Variants in KCNK2 observed in about 807,000 individuals in gnomAD.
KCNK2 encodes potassium channel subfamily K member 2.
KCNK2 carries 21 observed loss-of-function variants against 40.5 expected under a neutral mutation model. The ratio of observed to expected loss-of-function variants is 0.52; its 90% confidence interval spans 0.37 to 0.75. The LOEUF (loss-of-function observed/expected upper bound fraction) is 0.75, where lower values mean the gene tolerates loss of function less well. Ranked by LOEUF, KCNK2 falls within the 30% of genes least tolerant of loss-of-function variation. The probability of loss-of-function intolerance (pLI) is 0.00; values close to 1 mark genes in which losing one functional copy is unlikely to be tolerated. For missense variants in KCNK2, 399 were observed against 531.6 expected, an observed-to-expected ratio of 0.75 and a Z score of 2.45; for synonymous variants, 191 against 202.2, an observed-to-expected ratio of 0.94 and a Z score of 0.47.
chr1:215,173,954 T>C (rs1293529812), intron 5 of KCNK2, among the ~76,000 whole-genome samples: 1 of 152,230 alleles, frequency 6.6e-6, no homozygotes, highest in Non-Finnish European at 1.5e-5. Context: ...TCTTTTGCTG[T>C]GCAGAAGCTC....
chr1:215,087,204 G>A (rs746164642), intron 2 of KCNK2, among the ~76,000 whole-genome samples: 287 of 152,304 alleles, frequency 1.9e-3, no homozygotes, highest in Non-Finnish European at 2.4e-3. Context: ...GTACCGCTCA[G>A]GTCAATAAGT....
intron 2 of KCNK2, among the ~76,000 whole-genome samples, chr1:215,112,235 T>C (rs1432748430): frequency 6.6e-6 from 1 of 151,974 alleles, no homozygotes; most frequent in East Asian, 1.9e-4. Flanking sequence ...AGAAACCCAG[T>C]GAGACATGAT....
rs2102490761 is a variant in KCNK2, at chr1:215,038,351, G to A, written c.34+32396G>A. On this transcript the variant is annotated intron_variant, in intron 1 of 6. Transcript: ENST00000391895. ...TGACTCTTTTGTTCATGTCATCTAG[G>A]AAGGTCTTACTTGCTGTTTCCAGCA... 2.0e-5 allele frequency among the ~76,000 whole-genome samples: 3 copies of A among 152,166 alleles called. No individual in the cohort carries two copies. The East Asian group carries it at 5.8e-4, about 29-fold the overall frequency.
intron 4 of KCNK2, among the ~76,000 whole-genome samples, chr1:215,169,800 C>T (rs1663618180): frequency 6.6e-6 from 1 of 152,018 alleles, no homozygotes; most frequent in South Asian, 2.1e-4. Flanking sequence ...CACCCGCCAC[C>T]ATGCCTGGCT....
chr1:215,232,345 G>C (rs1055053213), intron 6 of KCNK2, among the ~76,000 whole-genome samples: 1 of 152,198 alleles, frequency 6.6e-6, no homozygotes, highest in African/African-American at 2.4e-5. Context: ...ACAAAACAAT[G>C]TGTGTACTAT....
At chr1:215,232,246 A>G (rs1188869621) in intron 6 of KCNK2, among the ~76,000 whole-genome samples, 1 of 152,200 alleles carries the variant, frequency 6.6e-6, no homozygotes, top group Non-Finnish European at 1.5e-5. Context: ...ATCCTTGGGG[A>G]GTGCTAGGTG....
At chr1:215,079,807 GTC>G (rs1293512351), upstream of KCNK2, among the ~76,000 whole-genome samples, 1 of 152,172 alleles carries the variant, frequency 6.6e-6, no homozygotes, top group Non-Finnish European at 1.5e-5. Context: ...GCATGAGTAA[GTC>G]TACATTTGGA....
chr1:215,126,208 A>ATAT (rs1221728323), intron 3 of KCNK2, among the ~76,000 whole-genome samples: 2 of 152,124 alleles, frequency 1.3e-5, no homozygotes, highest in Non-Finnish European at 2.9e-5. Context: ...GTACTGTTCT[A>ATAT]TTGTTATGAG....
At chr1:215,117,704 G>A (rs975456694) in intron 2 of KCNK2, among the ~76,000 whole-genome samples, 4 of 152,142 alleles carry the variant, frequency 2.6e-5, no homozygotes, top group African/African-American at 7.2e-5. Context: ...TGCTAGTGTA[G>A]TGTGGTTTTC....
chr1:215,030,898 C>T (rs1657166135), intron 1 of KCNK2, among the ~76,000 whole-genome samples: 1 of 151,936 alleles, frequency 6.6e-6, no homozygotes, highest in African/African-American at 2.4e-5. Context: ...ACATTCGGTT[C>T]TGTGATTTCT....
At chr1:215,087,922 G>A (rs1424105970) in intron 2 of KCNK2, among the ~76,000 whole-genome samples, 1 of 152,126 alleles carries the variant, frequency 6.6e-6, no homozygotes, top group Non-Finnish European at 1.5e-5. Flanking sequence ...CAAAACTAGT[G>A]TTCTCTGACA....
intron 4 of KCNK2, among the ~76,000 whole-genome samples, chr1:215,170,341 G>A (rs12118508): frequency 0.05 from 7,574 of 152,158 alleles, 209 homozygotes; most frequent in Middle Eastern, 0.13. Context: ...AAATGCTTTT[G>A]TTAGAATTTT....
chr1:215,130,284 T>C (rs771169044), intron 3 of KCNK2, among the ~76,000 whole-genome samples: 2 of 152,168 alleles, frequency 1.3e-5, no homozygotes, highest in African/African-American at 2.4e-5. Flanking sequence ...ATACTGGTGG[T>C]GGGAGGGTAG....
chr1:215,021,405 G>A (rs1166610038), intron 1 of KCNK2, among the ~76,000 whole-genome samples: 1 of 51,504 alleles, frequency 1.9e-5, no homozygotes, highest in African/African-American at 4.1e-5. Context: ...CATCTGAATC[G>A]GTGGGCTGAG....
chr1:215,012,379 A>C (rs1571845433), intron 1 of KCNK2, among the ~76,000 whole-genome samples: 1 of 151,938 alleles, frequency 6.6e-6, no homozygotes, highest in East Asian at 1.9e-4. Context: ...GTGGAATCTC[A>C]CTGTGGTTTT....
At chr1:215,007,019 A>ATG (rs1656153727) in intron 1 of KCNK2, among the ~76,000 whole-genome samples, 1 of 24,302 alleles carries the variant, frequency 4.1e-5, no homozygotes, top group Admixed American at 8.6e-4. Context: ...ATATATATAT[A>ATG]TATATATATA....
chr1:215,095,357 T>TA (rs1214463715), intron 2 of KCNK2, among the ~76,000 whole-genome samples: 1 of 152,128 alleles, frequency 6.6e-6, no homozygotes, highest in Non-Finnish European at 1.5e-5. Flanking sequence ...TGTCTAGCAA[T>TA]AATAGATACC....
chr1:215,030,255 G>A (rs768275243), intron 1 of KCNK2, among the ~76,000 whole-genome samples: 7 of 152,136 alleles, frequency 4.6e-5, no homozygotes, highest in Non-Finnish European at 1.0e-4. Context: ...TGGGTTGTTT[G>A]TTTTCTCATT....
chr1:215,171,920 GTCTCTCTCTCTC>G (rs3834061), intron 4 of KCNK2, 65 bp from the exon 5 acceptor site: 7 of 885,304 alleles, frequency 7.9e-6, no homozygotes, highest in Non-Finnish European at 3.3e-6. Context: ...CTCTCTCTTT[GTCTCTCTCTCTC>G]TCTCTCTCTC....
Sources: gnomAD v4.1 joint callset for allele counts (sites outside exome capture counted in the v4.1 genomes callset) on GRCh38, gnomAD v4.1.1 for gene constraint, MANE v1.5 for transcripts, NCBI Gene and HGNC (gene_info 2026-07-23, HGNC 2026-07-21) for gene names.